Variants in MED27 observed in about 807,000 individuals in gnomAD.
MED27 encodes the protein mediator complex subunit 27, also known as mediator of RNA polymerase II transcription subunit 27.
MED27 carries 30 observed loss-of-function variants against 38.2 expected under a neutral mutation model. That is an observed-to-expected ratio of 0.79 (90% CI 0.59 to 1.07). MED27 has a LOEUF of 1.07. Ranked by LOEUF, MED27 falls within the 50% of genes least tolerant of loss-of-function variation. MED27 has a pLI of 0.00. For synonymous variants in MED27, 122 were observed against 153.5 expected (o/e 0.79, Z 1.52); for missense variants, 289 against 397.5 (o/e 0.73, Z 2.32).
At chr9:131,868,432 C>T (rs895203899) in intron 6 of MED27, among the ~76,000 whole-genome samples, 3 of 152,248 alleles carry the variant, frequency 2.0e-5, no homozygotes, top group Non-Finnish European at 4.4e-5. Flanking sequence ...GCTCACGCCA[C>T]CCCGCCCAGC....
chr9:131,886,274 G>C (rs1366348848), intron 5 of MED27, among the ~76,000 whole-genome samples: 1 of 152,212 alleles, frequency 6.6e-6, no homozygotes, highest in African/African-American at 2.4e-5. Flanking sequence ...GGACAGTAGA[G>C]AAGGTTAAGA....
At chr9:131,945,701 C>T (rs1239663844) in intron 3 of MED27, among the ~76,000 whole-genome samples, 3 of 151,116 alleles carry the variant, frequency 2.0e-5, no homozygotes, top group Non-Finnish European at 4.4e-5. Flanking sequence ...GTGGCTTATG[C>T]CTATAATTCC....
chr9:131,976,537 A>G (rs1831612386), intron 3 of MED27, among the ~76,000 whole-genome samples: 1 of 152,236 alleles, frequency 6.6e-6, no homozygotes, highest in African/African-American at 2.4e-5. Context: ...CCAAATGTGA[A>G]GAGCAAATGT....
At chr9:131,871,854 C>T (rs1166924352) in intron 6 of MED27, among the ~76,000 whole-genome samples, 1 of 152,138 alleles carries the variant, frequency 6.6e-6, no homozygotes, top group Non-Finnish European at 1.5e-5. Flanking sequence ...ATCTTTTTTC[C>T]TCCGAATTTT....
intron 3 of MED27, among the ~76,000 whole-genome samples, chr9:131,967,780 G>C (rs1831381740): frequency 6.6e-6 from 1 of 151,272 alleles, no homozygotes. Context: ...CAAAGTGTTG[G>C]GATTACAGGC....
chr9:131,926,932 T>G, intron 4 of MED27, among the ~76,000 whole-genome samples: 1 of 152,238 alleles, frequency 6.6e-6, no homozygotes. Flanking sequence ...TTTCTTTTCT[T>G]ACATTTTTCT....
intron 2 of MED27, among the ~76,000 whole-genome samples, chr9:132,042,589 C>T (rs910108873): frequency 3.3e-5 from 5 of 152,164 alleles, no homozygotes; most frequent in Admixed American, 2.6e-4. Context: ...TGAGTCAGCA[C>T]TGAAGGAAAT....
At chr9:131,882,774 C>A (rs1201975464) in intron 6 of MED27, among the ~76,000 whole-genome samples, 1 of 152,200 alleles carries the variant, frequency 6.6e-6, no homozygotes, top group South Asian at 2.1e-4. Context: ...CAGAAGGAGG[C>A]CCCCTTGTGT....
chr9:131,878,594 C>T (rs1051571678), intron 6 of MED27, among the ~76,000 whole-genome samples: 4 of 152,126 alleles, frequency 2.6e-5, no homozygotes, highest in African/African-American at 7.2e-5. Flanking sequence ...CTGGGTGGTA[C>T]ACACACTCCA....
intron 6 of MED27, 31 bp from the exon 7 acceptor site, chr9:131,863,171 G>C (rs1261585880): frequency 6.3e-7 from 1 of 1,589,664 alleles, no homozygotes; most frequent in Non-Finnish European, 8.6e-7. Flanking sequence ...CGAGTTAGCG[G>C]CCACTCCAAG....
intron 2 of MED27, among the ~76,000 whole-genome samples, chr9:132,053,688 T>G (rs547415758): frequency 5.9e-5 from 9 of 152,224 alleles, no homozygotes; most frequent in African/African-American, 2.2e-4. Context: ...CCCAGCTTGG[T>G]AACTCTGGGC....
intron 3 of MED27, among the ~76,000 whole-genome samples, chr9:131,973,460 T>TTC (rs529991970): frequency 0.026 from 3,673 of 143,578 alleles, 124 homozygotes; most frequent in African/African-American, 0.088. Context: ...TTCTTTTCTT[T>TTC]TTTTTTTTTT....
At chr9:131,867,005 C>A (rs1182383521) in intron 6 of MED27, among the ~76,000 whole-genome samples, 1 of 152,248 alleles carries the variant, frequency 6.6e-6, no homozygotes, top group East Asian at 1.9e-4. Context: ...GCCCCCCAGG[C>A]TCCCCCGATG....
At chr9:132,011,631 C>T (rs1000401423) in intron 3 of MED27, among the ~76,000 whole-genome samples, 14 of 152,268 alleles carry the variant, frequency 9.2e-5, no homozygotes, top group Admixed American at 6.5e-4. Context: ...CATACCACTG[C>T]ACTCCAGCCT....
At chr9:132,053,624 C>A (rs562057963) in intron 2 of MED27, among the ~76,000 whole-genome samples, 15 of 152,340 alleles carry the variant, frequency 9.8e-5, no homozygotes, top group African/African-American at 3.6e-4. Flanking sequence ...CCTGGAGTCA[C>A]ACCGCTGGGA....
chr9:132,071,774 C>G (rs1239623452), intron 2 of MED27, among the ~76,000 whole-genome samples: 1 of 151,634 alleles, frequency 6.6e-6, no homozygotes, highest in Non-Finnish European at 1.5e-5. Context: ...ACGAGTAACA[C>G]ACGTCCATGA....
chr9:131,955,692 A>G (rs2130990860), intron 3 of MED27, among the ~76,000 whole-genome samples: 1 of 152,330 alleles, frequency 6.6e-6, no homozygotes, highest in Middle Eastern at 3.4e-3. Flanking sequence ...AGAAGAAATA[A>G]ACATCTAAAA....
At chr9:132,033,325 A>G (rs2131106312) in intron 2 of MED27, among the ~76,000 whole-genome samples, 1 of 152,302 alleles carries the variant, frequency 6.6e-6, no homozygotes, top group African/African-American at 2.4e-5. Context: ...TCAATACCAC[A>G]TTACCAAGAA....
chr9:131,906,421 T>C (rs926997571), intron 4 of MED27, among the ~76,000 whole-genome samples: 2 of 149,962 alleles, frequency 1.3e-5, no homozygotes, highest in Admixed American at 6.7e-5. Flanking sequence ...GGGCAGCACC[T>C]GCAAAGGCCT....
Sources: gnomAD v4.1 joint callset for allele counts (sites outside exome capture counted in the v4.1 genomes callset) on GRCh38, gnomAD v4.1.1 for gene constraint, MANE v1.5 for transcripts, NCBI Gene and HGNC (gene_info 2026-07-23, HGNC 2026-07-21) for gene names.